PTPRT: variants seen among roughly 807,000 people sequenced by gnomAD.
PTPRT encodes protein tyrosine phosphatase receptor type T.
PTPRT carries 56 observed loss-of-function variants against 176.8 expected under a neutral mutation model. That is an observed-to-expected ratio of 0.32 (90% CI 0.26 to 0.40). The LOEUF (loss-of-function observed/expected upper bound fraction) is 0.40, where lower values mean the gene tolerates loss of function less well. Among genes scored for constraint, PTPRT ranks in the 10% least tolerant of loss-of-function variants. The pLI is 1.00. For missense variants in PTPRT, 1,540 were observed against 1,908.2 expected (o/e 0.81, Z 3.60); for synonymous variants, 783 against 739.0 (o/e 1.06, Z -0.96).
intron 9 of PTPRT, among the ~76,000 whole-genome samples, chr20:42,365,228 G>A (rs1230592138): frequency 2.6e-5 from 4 of 152,048 alleles, no homozygotes; most frequent in African/African-American, 4.8e-5. Flanking sequence ...TTTCTATTCC[G>A]GCTAGCCACA....
At chr20:43,144,313 T>A (rs1339826464) in intron 1 of PTPRT, among the ~76,000 whole-genome samples, 1 of 152,222 alleles carries the variant, frequency 6.6e-6, no homozygotes, top group Non-Finnish European at 1.5e-5. Flanking sequence ...CATTGGAGGA[T>A]GGATCCTACC....
chr20:42,479,027 A>C (rs563303304), intron 7 of PTPRT, among the ~76,000 whole-genome samples: 1 of 152,180 alleles, frequency 6.6e-6, no homozygotes, highest in Non-Finnish European at 1.5e-5. Context: ...TTACACTCCA[A>C]TTGTTAAGGG....
intron 1 of PTPRT, among the ~76,000 whole-genome samples, chr20:42,980,705 C>T (rs1983225875): frequency 6.6e-6 from 1 of 152,110 alleles, no homozygotes; most frequent in African/African-American, 2.4e-5. Context: ...ACATTCCTTC[C>T]CCTTGGTTTG....
At chr20:43,056,139 A>G (rs979638766) in intron 1 of PTPRT, among the ~76,000 whole-genome samples, 1 of 152,210 alleles carries the variant, frequency 6.6e-6, no homozygotes, top group African/African-American at 2.4e-5. Context: ...CATTCATTAT[A>G]CTACCATGGA....
chr20:43,073,480 T>TAC (rs11471693), intron 1 of PTPRT, among the ~76,000 whole-genome samples: 3,862 of 149,586 alleles, frequency 0.026, 92 homozygotes, highest in East Asian at 0.075. Context: ...TATATATATA[T>TAC]ACACACACAC....
At chr20:43,171,173 G>C (rs1400627430) in intron 1 of PTPRT, among the ~76,000 whole-genome samples, 2 of 152,062 alleles carry the variant, frequency 1.3e-5, no homozygotes, top group African/African-American at 4.8e-5. Context: ...TCTTTCTTTA[G>C]AAAATATAAA....
chr20:42,050,497 G>C, the PTPRT span, among the ~76,000 whole-genome samples: 2 of 152,138 alleles, frequency 1.3e-5, no homozygotes, highest in Non-Finnish European at 2.9e-5. Flanking sequence ...GTTCCAGTGA[G>C]TACTGAGCCC....
intron 1 of PTPRT, among the ~76,000 whole-genome samples, chr20:43,076,400 CT>C (rs1180475406): frequency 6.7e-6 from 1 of 148,798 alleles, no homozygotes. Context: ...TCTTCTCTTC[CT>C]TTATTTTTAA....
At chr20:42,243,782 G>A (rs2056400371) in intron 14 of PTPRT, among the ~76,000 whole-genome samples, 1 of 152,094 alleles carries the variant, frequency 6.6e-6, no homozygotes, top group East Asian at 1.9e-4. Context: ...TGCCCAAAAC[G>A]TTCACCAACT....
intron 7 of PTPRT, among the ~76,000 whole-genome samples, chr20:42,668,517 G>A (rs2075355857): frequency 6.6e-6 from 1 of 152,048 alleles, no homozygotes; most frequent in Non-Finnish European, 1.5e-5. Context: ...CTGGGATTAT[G>A]AATTATAGGT....
intron 15 of PTPRT, among the ~76,000 whole-genome samples, chr20:42,200,435 C>T (rs1203453367): frequency 6.6e-6 from 1 of 152,184 alleles, no homozygotes; most frequent in Non-Finnish European, 1.5e-5. Context: ...CTACTATTGC[C>T]AGTGGATCCA....
intron 1 of PTPRT, among the ~76,000 whole-genome samples, chr20:43,070,861 T>C (rs2011170690): frequency 6.6e-6 from 1 of 150,778 alleles, no homozygotes; most frequent in South Asian, 2.1e-4. Flanking sequence ...GAGATACACC[T>C]AATGTAAATG....
In PTPRT at chr20:42,585,150, C is replaced by T. The variant is rs534919284; in HGVS notation, c.1153+92716G>A. 1.1e-4 allele frequency among the ~76,000 whole-genome samples: 16 copies of T among 152,266 alleles called. No individual in the cohort carries two copies. The South Asian group carries it at 1.2e-3, about 12-fold the overall frequency. On this transcript the variant is annotated intron_variant, in intron 7 of 30. Coordinates refer to ENST00000373187, the MANE Select transcript of PTPRT (RefSeq NM_007050.6). Reference sequence around the variant, plus strand: ...TGTGTGAACTGAACTCCTTGTTCCACGTGCTTATTGGCCACTACAAAGTAA... The same window carrying T: ...TGTGTGAACTGAACTCCTTGTTCCATGTGCTTATTGGCCACTACAAAGTAA...
chr20:42,271,046 C>T (rs1470732980), intron 13 of PTPRT, among the ~76,000 whole-genome samples: 2 of 152,192 alleles, frequency 1.3e-5, no homozygotes, highest in Non-Finnish European at 2.9e-5. Context: ...CAGTCTTGTT[C>T]CCCTTCAGTC....
intron 7 of PTPRT, among the ~76,000 whole-genome samples, chr20:42,594,244 C>A (rs920213044): frequency 1.3e-5 from 2 of 152,118 alleles, no homozygotes; most frequent in African/African-American, 4.8e-5. Context: ...ACGCTGCCTC[C>A]ATGCAAATCT....
intron 2 of PTPRT, among the ~76,000 whole-genome samples, chr20:42,840,889 T>G (rs2078266526): frequency 6.6e-6 from 1 of 152,186 alleles, no homozygotes; most frequent in East Asian, 1.9e-4. Flanking sequence ...AGATCCCTAG[T>G]GGCCTTCCTG....
intron 1 of PTPRT, among the ~76,000 whole-genome samples, chr20:42,980,140 G>A (rs1170686873): frequency 6.6e-6 from 1 of 152,152 alleles, no homozygotes; most frequent in African/African-American, 2.4e-5. Context: ...TCCAAACGAA[G>A]TCATTTAAAT....
chr20:42,315,645 A>G (rs2057709854), intron 12 of PTPRT, 78 bp downstream of exon 12: 1 of 1,516,164 alleles, frequency 6.6e-7, no homozygotes, highest in Non-Finnish European at 9.0e-7. Flanking sequence ...CCTCTGCTCT[A>G]GAGCCCTGCT....
At chr20:42,541,895 C>A (rs181277776) in intron 7 of PTPRT, among the ~76,000 whole-genome samples, 8 of 149,698 alleles carry the variant, frequency 5.3e-5, no homozygotes, top group African/African-American at 2.0e-4. Flanking sequence ...CTAAGTGATA[C>A]GGTTTGGCTG....
Sources: allele counts gnomAD v4.1 joint callset (sites outside exome capture counted in the v4.1 genomes callset), GRCh38; gene constraint gnomAD v4.1.1; transcripts MANE v1.5; gene names NCBI Gene and HGNC (gene_info 2026-07-23, HGNC 2026-07-21).